The following MON1A variants were observed in gnomAD, a reference collection of about 807,000 sequenced individuals.
MON1A encodes the protein MON1 vesicular trafficking associated A, also known as vacuolar fusion protein MON1 homolog A.
Under a neutral mutation model 44.6 loss-of-function variants are expected in MON1A, and 29 were observed. The observed-to-expected ratio is 0.65, with a 90% CI of 0.48 to 0.89. The LOEUF (loss-of-function observed/expected upper bound fraction) is 0.89, where lower values mean the gene tolerates loss of function less well. Ranked by LOEUF, MON1A falls within the 40% of genes least tolerant of loss-of-function variation. The probability of loss-of-function intolerance (pLI) is 0.00; values close to 1 mark genes in which losing one functional copy is unlikely to be tolerated. For missense variants in MON1A, 615 were observed against 759.6 expected (o/e 0.81, Z 2.24); for synonymous variants, 275 against 316.4 (o/e 0.87, Z 1.39).
intron 1 of MON1A, among the ~76,000 whole-genome samples, chr3:49,921,326 T>G (rs1157109527): frequency 6.6e-6 from 1 of 150,542 alleles, no homozygotes; most frequent in Admixed American, 6.6e-5. Flanking sequence ...CCCGGCTAAT[T>G]TTTTGTATTT....
chr3:49,911,001 A>T lies in MON1A; in HGVS notation c.614-117T>A, dbSNP rs2082872234. ...TTTCCTCGCTCAGAGCTCTGCGCAC[A>T]GTAGGGGTTTAAGGATGTTCAGGAT... is the stretch of plus-strand genomic sequence containing the variant. On this transcript the variant is annotated intron_variant, in intron 3 of 5. Coordinates refer to ENST00000296473, the MANE Select transcript of MON1A (RefSeq NM_032355.4). This position sits in a 1 kb window ranked among gnomAD's most constrained non-coding sequence, Gnocchi z 5.7. 5 of 1,010,256 alleles carry T rather than the reference A, an allele frequency of 4.9e-6. No individual in the cohort carries two copies. In the Admixed American group the frequency reaches 8.3e-5, roughly 17 times the overall value. The allele number at this position is 1,010,256 out of a possible 1,614,324, so 62.6% of individuals were successfully genotyped here. A position where few individuals can be genotyped will look rare whatever the true frequency, so the allele number is the denominator to read the frequency against.
At position 49,911,744 on chromosome 3, in the gene MON1A, G is replaced by T. The variant is rs1202918939; in HGVS notation, c.395C>A (p.Thr132Lys). 1.2e-6 allele frequency: 2 copies of T among 1,613,612 alleles called. No homozygotes were observed. The stretch of plus-strand genomic sequence containing the variant: ...GGTTGTGCCCTCCCTGGGGGGCTCT[G>T]TGGCTGGTCGCCCAACTGCCCCTGG... ...EPPGAVGRPA[T>K]EPPREGTTEG... Residue 132 changes from threonine to lysine, a missense_variant, in exon 3 of 6, where the codon ACA (threonine) becomes AAA (lysine). Physicochemically the swap from Thr to Lys is moderately conservative, Grantham distance 78 (BLOSUM62 -1). Coordinates refer to ENST00000296473, the MANE Select transcript of MON1A (RefSeq NM_032355.4). The surrounding 1 kb of genome is among the most constrained non-coding windows in gnomAD (Gnocchi z 5.7).
At position 49,913,238 on chromosome 3, in the gene MON1A, CCATTCCT is replaced by C; in HGVS notation, c.102_108del (p.Gly35ProfsTer24). The C allele has an allele frequency of 6.2e-7, 1 of 1,614,250 alleles. No homozygotes were observed. Among genetic ancestry groups the C allele is most frequent in the South Asian group, 1.1e-5 (1 of 91,082 alleles). ...CCCATACCTGGCTCCATTCCCTGGG[CCATTCCT>C]GGTGTGGGGCTCTCAGCTCTCTCCA... On this transcript the variant is annotated frameshift_variant, in exon 2 of 6. Coordinates refer to ENST00000296473, the MANE Select transcript of MON1A (RefSeq NM_032355.4). LOFTEE classifies it high-confidence loss of function.
chr3:49,910,923 G>A lies in MON1A; in HGVS notation c.614-39C>T, dbSNP rs934350790. The A allele has an allele frequency of 1.9e-6, 3 of 1,547,598 alleles. No homozygotes were observed. Among genetic ancestry groups the A allele is most frequent in the Non-Finnish European group, 2.6e-6 (3 of 1,146,518 alleles). On this transcript the variant is annotated intron_variant, in intron 3 of 5. Coordinates refer to ENST00000296473, the MANE Select transcript of MON1A (RefSeq NM_032355.4). The surrounding 1 kb of genome is among the most constrained non-coding windows in gnomAD (Gnocchi z 8.0). ...AGGAAAGAAGGATGTCAGCCTCAGCGGCAGCTCCCTCCGAAAACCGCCTTC... is the reference window on the plus strand; with the variant it reads ...AGGAAAGAAGGATGTCAGCCTCAGCAGCAGCTCCCTCCGAAAACCGCCTTC...
At position 49,911,827 on chromosome 3, in the gene MON1A, C is replaced by A. The variant is rs1448433845; in HGVS notation, c.312G>T (p.Val104=). The A allele has an allele frequency of 6.2e-7, 1 of 1,613,966 alleles. No homozygotes were observed. The highest frequency in any genetic ancestry group is 8.5e-7 in the Non-Finnish European group (1 of 1,180,020). ...FSELSTQLTG[V]ARDLQEEMLP... ...GCATCTCCTCCTGCAGGTCCCGGGC[C>A]ACACCCGTCAGCTGGGTGCTTAGCT... Residue 104 remains valine, a synonymous_variant, in exon 3 of 6, where the codon GTG becomes GTT. Transcript: ENST00000296473. The surrounding 1 kb of genome is among the most constrained non-coding windows in gnomAD (Gnocchi z 5.7).
Position 49,929,091 on chromosome 3 carries a change from G to C in MON1A, c.-14+518C>G, listed in dbSNP as rs972223148. Among the ~76,000 whole-genome samples, 7 of 152,214 alleles carry C rather than the reference G, an allele frequency of 4.6e-5. 1 individual carries two copies. The highest frequency in any genetic ancestry group is 4.6e-4 in the Admixed American group (7 of 15,270). ...CAAAAAATTAGCTGGGCGTGGTGGC[G>C]CATGCCTGTAATCCCAGCTACTCGG... On this transcript the variant is annotated intron_variant, in intron 1 of 5. Coordinates refer to ENST00000296473, the MANE Select transcript of MON1A (RefSeq NM_032355.4).
At chr3:49,912,376 G>A in intron 2 of MON1A, 1 of 199,252 alleles carries the variant, frequency 5.0e-6, no homozygotes, top group Non-Finnish European at 1.0e-5. Flanking sequence ...CACACCTGCT[G>A]TCAGCTGTCT....
chr3:49,928,815 T>A (rs2083071754), intron 1 of MON1A, among the ~76,000 whole-genome samples: 1 of 152,178 alleles, frequency 6.6e-6, no homozygotes, highest in African/African-American at 2.4e-5. Context: ...TGGCGGTTAC[T>A]TCCCTCCCTG....
Position 49,908,995 on chromosome 3 carries a change from G to C in MON1A, c.*19C>G. 6.2e-7 allele frequency: 1 copy of C among 1,602,572 alleles called. No homozygotes were observed. Among genetic ancestry groups the C allele is most frequent in the Non-Finnish European group, 8.5e-7 (1 of 1,173,168 alleles). ...CACACCTAGTGTGTCCAGGAAGGCT[G>C]AGCCCGCACACATTCCCATCAATAG... On this transcript the variant is annotated 3_prime_UTR_variant, in exon 6 of 6. Transcript: ENST00000296473.
rs2082848113 is a variant in MON1A, at chr3:49,909,346, G to C, written c.1434C>G (p.Gly478=). The C allele has an allele frequency of 1.2e-6, 2 of 1,614,006 alleles. No homozygotes were observed. The highest frequency in any genetic ancestry group is 1.7e-6 in the Non-Finnish European group (2 of 1,179,998). Reference sequence around the variant, plus strand: ...CACGACTGTGCAAGTACTGGTAGAGGCCCAGCAGCCGCTCCTGCTCCTCTT... The same window carrying C: ...CACGACTGTGCAAGTACTGGTAGAGCCCCAGCAGCCGCTCCTGCTCCTCTT... The part of the protein sequence containing the change: ...TSEEEQERLL[G]LYQYLHSRAH... Residue 478 remains glycine (G), a synonymous_variant, in exon 5 of 6, where the codon GGC becomes GGG. Coordinates refer to ENST00000296473, the MANE Select transcript of MON1A (RefSeq NM_032355.4). This position sits in a 1 kb window ranked among gnomAD's most constrained non-coding sequence, Gnocchi z 4.0.
rs773486239 is a variant in MON1A at position 49,910,300 on chromosome 3, G to T, written c.1198C>A (p.Arg400Ser). The change falls in exon 4 of 6, where the codon CGT (arginine) becomes AGT (serine). Residue 400 changes from arginine (R) to serine (S), a missense_variant. By Grantham distance (110) the Arg-to-Ser change is moderately radical. Coordinates refer to ENST00000296473, the MANE Select transcript of MON1A (RefSeq NM_032355.4). The surrounding 1 kb of genome is among the most constrained non-coding windows in gnomAD (Gnocchi z 8.0). ...DLCLLLVSTD[R>S]EDFFAVSDCR... ...TCAGAGACTGCAAAGAAGTCCTCAC[G>T]GTCAGTGGAGACAAGCAGCAGGCAG... 1 of 1,614,170 alleles carries T rather than the reference G, an allele frequency of 6.2e-7. No homozygotes were observed. Among genetic ancestry groups the T allele is most frequent in the Admixed American group, 1.7e-5 (1 of 60,026 alleles).
intron 1 of MON1A, among the ~76,000 whole-genome samples, chr3:49,924,908 A>C (rs1017312914): frequency 6.6e-6 from 1 of 152,194 alleles, no homozygotes; most frequent in African/African-American, 2.4e-5. Context: ...GAAGCAGATC[A>C]TCTAGGCCCA....
chr3:49,912,801 G>T, intron 2 of MON1A: 1 of 321,670 alleles, frequency 3.1e-6, no homozygotes. Context: ...CAGGCACTGG[G>T]GATATAACTG....
At chr3:49,921,450 G>T (rs866943807) in intron 1 of MON1A, among the ~76,000 whole-genome samples, 5 of 145,452 alleles carry the variant, frequency 3.4e-5, no homozygotes, top group Non-Finnish European at 7.5e-5. Flanking sequence ...GAGCCACCAC[G>T]CCTGGCTGGT....
In MON1A at chr3:49,910,312, C is replaced by A. The variant is rs2082859638; in HGVS notation, c.1186G>T (p.Val396Phe). The A allele has an allele frequency of 6.2e-7, 1 of 1,614,208 alleles. No individual in the cohort carries two copies. The highest frequency in any genetic ancestry group is 2.2e-5 in the East Asian group (1 of 44,866). ...AAGAAGTCCTCACGGTCAGTGGAGA[C>A]AAGCAGCAGGCAGAGGTCAGTGTCA... ...EPDTDLCLLLVSTDREDFFAV... is the reference protein window; with the variant it reads ...EPDTDLCLLLFSTDREDFFAV... Residue 396 changes from valine to phenylalanine, a missense_variant, in exon 4 of 6, where the codon GTC (valine) becomes TTC (phenylalanine). Coordinates refer to ENST00000296473, the MANE Select transcript of MON1A (RefSeq NM_032355.4). The surrounding 1 kb of genome is among the most constrained non-coding windows in gnomAD (Gnocchi z 8.0).
chr3:49,917,120 G>A (rs543953091), intron 1 of MON1A, among the ~76,000 whole-genome samples: 2 of 151,970 alleles, frequency 1.3e-5, no homozygotes, highest in South Asian at 2.1e-4. Context: ...GCCACCATGC[G>A]TGGATAATTT....
Position 49,909,175 on chromosome 3 carries a change from C to A in MON1A, c.1528-21G>T, listed in dbSNP as rs761233132. On this transcript the variant is annotated intron_variant, in intron 5 of 5. Coordinates refer to ENST00000296473, the MANE Select transcript of MON1A (RefSeq NM_032355.4). The surrounding 1 kb of genome is among the most constrained non-coding windows in gnomAD (Gnocchi z 4.0). ...GTCACCTGGAGAAGGGGCAAAGGGT[C>A]GTCATCTAGGTTAGAGGCCCCTCAT... is the stretch of plus-strand genomic sequence containing the variant. 6.2e-7 allele frequency: 1 copy of A among 1,609,618 alleles called. No individual in the cohort carries two copies. Among genetic ancestry groups the A allele is most frequent in the East Asian group, 2.2e-5 (1 of 44,752 alleles).
At position 49,910,113 on chromosome 3, in the gene MON1A, C is replaced by A; in HGVS notation, c.1379+6G>T. 6.3e-7 allele frequency: 1 copy of A among 1,581,196 alleles called. No homozygotes were observed. Among genetic ancestry groups the A allele is most frequent in the South Asian group, 1.1e-5 (1 of 87,020 alleles). On this transcript the variant is annotated splice_donor_region_variant and intron_variant, in intron 4 of 5. Transcript: ENST00000296473. This position sits in a 1 kb window ranked among gnomAD's most constrained non-coding sequence, Gnocchi z 8.0. Reference sequence around the variant, plus strand: ...CTACAGCAGTGCCCTCAAGGCCCTCCCTCACCTGGTGAAGAGTCCCGAGCT... The same window carrying A: ...CTACAGCAGTGCCCTCAAGGCCCTCACTCACCTGGTGAAGAGTCCCGAGCT...
At chr3:49,919,968 A>G (rs2082982770) in intron 1 of MON1A, among the ~76,000 whole-genome samples, 1 of 152,190 alleles carries the variant, frequency 6.6e-6, no homozygotes, top group Non-Finnish European at 1.5e-5. Flanking sequence ...ACCAGCTCTT[A>G]AATACTTCGT....
Sources: gnomAD v4.1 joint callset for allele counts (sites outside exome capture counted in the v4.1 genomes callset) on GRCh38, gnomAD v4.1.1 for gene constraint, Gnocchi (gnomAD v3.1) non-coding constraint, MANE v1.5 for transcripts, NCBI Gene and HGNC (gene_info 2026-07-23, HGNC 2026-07-21) for gene names.